Variants in KIAA0319 observed in about 807,000 individuals in gnomAD.
KIAA0319 encodes the protein KIAA0319.
In KIAA0319, 83 loss-of-function variants were observed where a neutral mutation model predicts 108.4. The observed-to-expected ratio is 0.77, with a 90% CI of 0.64 to 0.92. The LOEUF (loss-of-function observed/expected upper bound fraction) is 0.92. Ranked by LOEUF, KIAA0319 falls within the 40% of genes least tolerant of loss-of-function variation. The pLI is 0.00. For missense variants in KIAA0319, 1,195 were observed against 1,322.4 expected, an observed-to-expected ratio of 0.90 and a Z score of 1.49; for synonymous variants, 484 against 510.4, an observed-to-expected ratio of 0.95 and a Z score of 0.70.
At chr6:24,610,350 A>G (rs1204039815) in intron 1 of KIAA0319, among the ~76,000 whole-genome samples, 1 of 152,250 alleles carries the variant, frequency 6.6e-6, no homozygotes, top group Non-Finnish European at 1.5e-5. Context: ...TATCATTAGC[A>G]ATCAGGGAAA....
At position 24,564,305 on chromosome 6, in the gene KIAA0319, C is replaced by A. The variant is rs377058461; in HGVS notation, c.2328G>T (p.Leu776=). Residue 776 remains leucine (L), a synonymous_variant, in exon 15 of 21, where the codon CTG becomes CTT. Coordinates refer to ENST00000378214, the MANE Select transcript of KIAA0319 (RefSeq NM_014809.4). ...VIDGSDHSVA[L]QLTNLVEGVY... is the part of the protein sequence containing the mutation. ...CCCCCTCCACCAGATTCGTAAGCTG[C>A]AGAGCCACACTGTGGTCAGAGCCAT... 6.2e-7 allele frequency: 1 copy of A among 1,614,192 alleles called. No homozygotes were observed. Among genetic ancestry groups the A allele is most frequent in the East Asian group, 2.2e-5 (1 of 44,884 alleles).
At chr6:24,594,496 G>A (rs1299640908) in intron 3 of KIAA0319, among the ~76,000 whole-genome samples, 4 of 151,180 alleles carry the variant, frequency 2.6e-5, no homozygotes, top group African/African-American at 9.7e-5. Flanking sequence ...GCATGGTGGT[G>A]CACACCTATA....
chr6:24,550,015 CGTT>C (rs1231496689), intron 20 of KIAA0319, among the ~76,000 whole-genome samples: 1 of 152,152 alleles, frequency 6.6e-6, no homozygotes, highest in Non-Finnish European at 1.5e-5. Context: ...ACCTAAAGCA[CGTT>C]GAGCTCTTAG....
At chr6:24,557,763 C>G (rs1010558796) in intron 17 of KIAA0319, among the ~76,000 whole-genome samples, 1 of 146,044 alleles carries the variant, frequency 6.8e-6, no homozygotes, top group African/African-American at 2.5e-5. Context: ...TCATAATATA[C>G]TTTTTTTTTT....
At position 24,545,858 on chromosome 6, in the gene KIAA0319, T is replaced by C. The variant is rs1419514052; in HGVS notation, c.*1307A>G. The C allele has an allele frequency of 6.6e-6, 1 of 152,198 alleles. No individual in the cohort carries two copies. The highest frequency in any genetic ancestry group is 1.5e-5 in the Non-Finnish European group (1 of 68,030). The allele number at this position is 152,198 out of a possible 1,614,324, so 9.4% of individuals were successfully genotyped here. A position where few individuals can be genotyped will look rare whatever the true frequency, so the allele number is the denominator to read the frequency against. On this transcript the variant is annotated 3_prime_UTR_variant, in exon 21 of 21. Coordinates refer to ENST00000378214, the MANE Select transcript of KIAA0319 (RefSeq NM_014809.4). ...AGTTTTCCCATGTGTTAAAAAAGCA[T>C]TGTGCAACAGGATATTGTTTAGGTG...
At chr6:24,585,143 A>G (rs571854172) in intron 4 of KIAA0319, among the ~76,000 whole-genome samples, 34 of 152,264 alleles carry the variant, frequency 2.2e-4, no homozygotes, top group African/African-American at 7.9e-4. Flanking sequence ...CCTCTGCGAC[A>G]CATGGAGCTT....
chr6:24,625,596 C>A (rs773329366), intron 1 of KIAA0319, among the ~76,000 whole-genome samples: 14 of 152,016 alleles, frequency 9.2e-5, no homozygotes, highest in Non-Finnish European at 1.8e-4. Flanking sequence ...GGAGAGAAAG[C>A]AAATAAAAGC....
At chr6:24,597,001 A>G (rs1434935522) in intron 2 of KIAA0319, among the ~76,000 whole-genome samples, 2 of 151,438 alleles carry the variant, frequency 1.3e-5, no homozygotes, top group African/African-American at 2.4e-5. Flanking sequence ...CCATCTTTCT[A>G]TTCTTCTACC....
At chr6:24,577,166 C>G (rs879592514) in intron 9 of KIAA0319, among the ~76,000 whole-genome samples, 1 of 152,112 alleles carries the variant, frequency 6.6e-6, no homozygotes, top group African/African-American at 2.4e-5. Context: ...TTATGGATTT[C>G]TGATTAGCTT....
At chr6:24,624,035 T>C (rs1246691004) in intron 1 of KIAA0319, among the ~76,000 whole-genome samples, 3 of 141,864 alleles carry the variant, frequency 2.1e-5, no homozygotes, top group African/African-American at 7.9e-5. Context: ...TTTTTTTTTT[T>C]TTTTTTTTAG....
chr6:24,584,393 C>T (rs1291943061), intron 4 of KIAA0319, among the ~76,000 whole-genome samples: 6 of 137,424 alleles, frequency 4.4e-5, no homozygotes, highest in South Asian at 2.3e-4. Flanking sequence ...AAATATATTG[C>T]GATATGTCCA....
Position 24,579,915 on chromosome 6 carries a change from AAAC to A in KIAA0319, c.1312_1314del (p.Val438del). 6.2e-7 allele frequency: 1 copy of A among 1,601,324 alleles called. No individual in the cohort carries two copies. The highest frequency in any genetic ancestry group is 8.5e-7 in the Non-Finnish European group (1 of 1,173,248). The stretch of plus-strand genomic sequence containing the variant: ...AAAGTGAGCTCTTGCAGTTGGGGAG[AAAC>A]AACTGCTACAGGTGGCAGGTTGACT... On this transcript the variant is annotated inframe_deletion, in exon 8 of 21. Transcript: ENST00000378214.
In KIAA0319 at chr6:24,568,947, G is replaced by A. The variant is rs1253394402; in HGVS notation, c.1992-18C>T. The A allele has an allele frequency of 9.9e-6, 16 of 1,612,486 alleles. No individual in the cohort carries two copies. The highest frequency in any genetic ancestry group is 1.4e-5 in the Non-Finnish European group (16 of 1,178,802). ...TGGGGCCTCTATAAAACATAGAAGT[G>A]GTTAACATAAGGGAGGGGGCATGGG... On this transcript the variant is annotated intron_variant, in intron 12 of 20. Transcript: ENST00000378214.
intron 1 of KIAA0319, among the ~76,000 whole-genome samples, chr6:24,610,480 T>G (rs1772133184): frequency 6.6e-6 from 1 of 152,230 alleles, no homozygotes; most frequent in Admixed American, 6.5e-5. Context: ...ATTGTTGGTG[T>G]GAATGTAAAA....
chr6:24,598,795 GA>G (rs1562035376), intron 2 of KIAA0319: 1 of 257,650 alleles, frequency 3.9e-6, no homozygotes, highest in Admixed American at 4.6e-5. Context: ...AGAATTCCTT[GA>G]ACCCAGGAGG....
intron 20 of KIAA0319, 99 bp downstream of exon 20, chr6:24,551,335 C>G: frequency 1.2e-6 from 1 of 810,490 alleles, no homozygotes; most frequent in Non-Finnish European, 2.1e-6. Context: ...AAAGTGCTGA[C>G]TCCAGCAAAT....
At chr6:24,557,421 T>A (rs1006941656) in intron 17 of KIAA0319, among the ~76,000 whole-genome samples, 3 of 152,132 alleles carry the variant, frequency 2.0e-5, no homozygotes, top group Admixed American at 2.0e-4. Context: ...GAGAATCACT[T>A]GAACCCAGGA....
At chr6:24,564,395 G>T in intron 14 of KIAA0319, 55 bp from the exon 15 acceptor site, 1 of 1,608,792 alleles carries the variant, frequency 6.2e-7, no homozygotes, top group Non-Finnish European at 8.5e-7. Flanking sequence ...CCCAATTTCT[G>T]GGCTTCTGTT....
At chr6:24,555,234 C>T (rs1172724539) in intron 18 of KIAA0319, among the ~76,000 whole-genome samples, 4 of 152,146 alleles carry the variant, frequency 2.6e-5, no homozygotes, top group African/African-American at 4.8e-5. Context: ...CGGTGGCTCA[C>T]GCCTGTAATC....
Sources: allele counts gnomAD v4.1 joint callset (sites outside exome capture counted in the v4.1 genomes callset), GRCh38; gene constraint gnomAD v4.1.1; transcripts MANE v1.5; gene names NCBI Gene and HGNC (gene_info 2026-07-23, HGNC 2026-07-21).